Variants in COL11A1 observed in about 807,000 individuals in gnomAD.
COL11A1 encodes the protein collagen alpha-1(XI) chain.
A neutral mutation model predicts 265.2 loss-of-function variants in COL11A1; 74 were observed. The observed-to-expected ratio is 0.28, with a 90% CI of 0.23 to 0.34. The LOEUF (loss-of-function observed/expected upper bound fraction) is 0.34. Ranked by LOEUF, COL11A1 falls within the 10% of genes least tolerant of loss-of-function variation. The pLI, the probability that COL11A1 is intolerant of heterozygous loss-of-function variation, is 1.00. For synonymous variants in COL11A1, 816 were observed against 727.6 expected (o/e 1.12, Z -1.96); for missense variants, 2,165 against 2,263.6 (o/e 0.96, Z 0.88).
chr1:103,007,096 G>C (rs1388161365), intron 15 of COL11A1, among the ~76,000 whole-genome samples: 1 of 151,664 alleles, frequency 6.6e-6, no homozygotes, highest in Non-Finnish European at 1.5e-5. Context: ...CTCCCATTTA[G>C]ATTGTGAACT....
chr1:103,078,978 A>C, intron 2 of COL11A1, 107 bp from the exon 3 acceptor site: 1 of 761,292 alleles, frequency 1.3e-6, no homozygotes, highest in Non-Finnish European at 2.3e-6. Context: ...TTATAAATCA[A>C]CTAACTTTGA....
intron 1 of COL11A1, among the ~76,000 whole-genome samples, chr1:103,088,757 GA>G (rs1347196421): frequency 1.3e-5 from 2 of 152,164 alleles, no homozygotes; most frequent in Non-Finnish European, 2.9e-5. Flanking sequence ...GAGAAGGAAA[GA>G]AACAGCAGAT....
chr1:103,049,802 C>CA (rs1265054850), intron 4 of COL11A1, among the ~76,000 whole-genome samples: 1 of 152,130 alleles, frequency 6.6e-6, no homozygotes, highest in African/African-American at 2.4e-5. Flanking sequence ...CTGGTGGTGA[C>CA]AAAATCTCTC....
intron 3 of COL11A1, among the ~76,000 whole-genome samples, chr1:103,077,816 C>T (rs1672092959): frequency 6.6e-6 from 1 of 152,080 alleles, no homozygotes; most frequent in Admixed American, 6.6e-5. Flanking sequence ...GCCTGACTTC[C>T]TGAGTTCAAA....
intron 46 of COL11A1, among the ~76,000 whole-genome samples, chr1:102,927,558 G>T (rs1656753939): frequency 6.6e-6 from 1 of 152,176 alleles, no homozygotes; most frequent in African/African-American, 2.4e-5. Context: ...CCGGAGAATG[G>T]CATGAACCTG....
At chr1:103,105,144 C>T (rs1386458807) in intron 1 of COL11A1, among the ~76,000 whole-genome samples, 1 of 151,742 alleles carries the variant, frequency 6.6e-6, no homozygotes, top group African/African-American at 2.4e-5. Context: ...CTTACATAAA[C>T]TCATCTATCT....
rs548602652 is a variant in COL11A1, at chr1:102,933,173, T to G, written c.3600+1276A>C. ...TTTGGAGGAGGAGAGGTGCTCTGCTTTTTAGAGTTTCCAGTTTTTCTGTTC... is the reference window on the plus strand; with the variant it reads ...TTTGGAGGAGGAGAGGTGCTCTGCTGTTTAGAGTTTCCAGTTTTTCTGTTC... On this transcript the variant is annotated intron_variant, in intron 46 of 66. Transcript: ENST00000370096. Among the ~76,000 whole-genome samples the G allele has an allele frequency of 2.0e-5, 3 of 148,502 alleles. No individual in the cohort carries two copies. In the East Asian group the frequency reaches 6.0e-4, roughly 29 times the overall value.
At chr1:103,062,314 T>G (rs1196726825) in intron 4 of COL11A1, among the ~76,000 whole-genome samples, 1 of 151,920 alleles carries the variant, frequency 6.6e-6, no homozygotes, top group Non-Finnish European at 1.5e-5. Flanking sequence ...AAAGGAATAT[T>G]ACTAACTGAT....
At chr1:103,095,689 G>T (rs1306873242) in intron 1 of COL11A1, among the ~76,000 whole-genome samples, 1 of 151,638 alleles carries the variant, frequency 6.6e-6, no homozygotes, top group African/African-American at 2.4e-5. Flanking sequence ...TCCTGCTCAG[G>T]TCCCTTCATT....
chr1:103,048,933 T>C (rs985464277), intron 4 of COL11A1, among the ~76,000 whole-genome samples: 5 of 152,174 alleles, frequency 3.3e-5, no homozygotes, highest in African/African-American at 1.2e-4. Flanking sequence ...TAATCCTGGG[T>C]TCTAGTTTGA....
intron 1 of COL11A1, among the ~76,000 whole-genome samples, chr1:103,096,058 A>G (rs1457431030): frequency 6.6e-6 from 1 of 151,950 alleles, no homozygotes; most frequent in East Asian, 1.9e-4. Flanking sequence ...AACCATTGGA[A>G]GGTTAGGGGA....
At chr1:103,046,188 T>A (rs1373148203) in intron 4 of COL11A1, among the ~76,000 whole-genome samples, 1 of 149,070 alleles carries the variant, frequency 6.7e-6, no homozygotes, top group Non-Finnish European at 1.5e-5. Context: ...CCTGAGGAAC[T>A]GCCACACTGA....
intron 4 of COL11A1, among the ~76,000 whole-genome samples, chr1:103,056,928 A>G (rs1591636): frequency 0.67 from 101,768 of 152,076 alleles, 36,081 homozygotes; most frequent in East Asian, 0.93. Context: ...GCAAACTGTA[A>G]TATTTTTGCT....
chr1:103,102,593 A>C (rs539918567), intron 1 of COL11A1, among the ~76,000 whole-genome samples: 1 of 152,018 alleles, frequency 6.6e-6, no homozygotes, highest in Non-Finnish European at 1.5e-5. Context: ...CCTAATGATC[A>C]CGCCATCCAT....
chr1:102,997,134 G>A lies in COL11A1; in HGVS notation c.2197-10C>T, dbSNP rs1057521170. On this transcript the variant is annotated splice_polypyrimidine_tract_variant and intron_variant, in intron 25 of 66. Transcript: ENST00000370096. ...CTTTCCCAGGATGACCCTATATTTAGCAAAAACATACACTGATAAGATGTA... is the reference window on the plus strand; with the variant it reads ...CTTTCCCAGGATGACCCTATATTTAACAAAAACATACACTGATAAGATGTA... 6.2e-7 allele frequency: 1 copy of A among 1,607,308 alleles called. No homozygotes were observed. The highest frequency in any genetic ancestry group is 8.5e-7 in the Non-Finnish European group (1 of 1,174,392).
chr1:103,037,851 C>T (rs911097805), intron 4 of COL11A1, among the ~76,000 whole-genome samples: 3 of 152,076 alleles, frequency 2.0e-5, no homozygotes, highest in East Asian at 1.9e-4. Context: ...TGACTATATA[C>T]CTTATTGAAC....
intron 57 of COL11A1, among the ~76,000 whole-genome samples, chr1:102,895,010 G>C (rs1023592949): frequency 6.6e-6 from 1 of 152,022 alleles, no homozygotes; most frequent in Non-Finnish European, 1.5e-5. Flanking sequence ...GTGTGTGAGT[G>C]TGTGTGTGTA....
At chr1:103,086,002 C>T (rs1466630320) in intron 1 of COL11A1, among the ~76,000 whole-genome samples, 1 of 152,160 alleles carries the variant, frequency 6.6e-6, no homozygotes, top group African/African-American at 2.4e-5. Context: ...ACTCTATGCT[C>T]CTTCCACTTC....
At chr1:102,999,517 A>G (rs985823404) in intron 24 of COL11A1, among the ~76,000 whole-genome samples, 1 of 151,868 alleles carries the variant, frequency 6.6e-6, no homozygotes, top group East Asian at 1.9e-4. Context: ...ATTAAATCAC[A>G]GGAAATATTT....
Sources: allele counts gnomAD v4.1 joint callset (sites outside exome capture counted in the v4.1 genomes callset), GRCh38; gene constraint gnomAD v4.1.1; transcripts MANE v1.5; gene names NCBI Gene and HGNC (gene_info 2026-07-23, HGNC 2026-07-21).